Variants in IFNAR2 observed in about 807,000 individuals in gnomAD.
The protein encoded by IFNAR2 is interferon alpha/beta receptor 2.
IFNAR2 carries 30 observed loss-of-function variants against 49.4 expected under a neutral mutation model. The ratio of observed to expected loss-of-function variants is 0.61; its 90% CI spans 0.45 to 0.82. The LOEUF (loss-of-function observed/expected upper bound fraction) is 0.82, where lower values mean the gene tolerates loss of function less well. Ranked by LOEUF, IFNAR2 falls within the 40% of genes least tolerant of loss-of-function variation. IFNAR2 has a pLI of 0.00. For missense variants in IFNAR2, 600 were observed against 622.7 expected (o/e 0.96, Z 0.39); for synonymous variants, 224 against 234.5 (o/e 0.96, Z 0.41).
rs1987501614 is a variant in IFNAR2 at position 33,247,254 on chromosome 21, C to CATTTTTTTTTTT, written c.394+364_394+365insATTTTTTTTTTT. Reference sequence around the variant, plus strand: ...ATTTTCTTTCTTTCTTTCTTTCTTTCTTTTTTTTTTTTTTTGAGATGGAGT... The same window carrying CATTTTTTTTTTT: ...ATTTTCTTTCTTTCTTTCTTTCTTTCATTTTTTTTTTTTTTTTTTTTTTTTTTGAGATGGAGT... On this transcript the variant is annotated intron_variant, in intron 5 of 8. Transcript: ENST00000342136. Among the ~76,000 whole-genome samples the CATTTTTTTTTTT allele has an allele frequency of 7.6e-4, 70 of 91,566 alleles. 1 individual carries two copies. The highest frequency in any genetic ancestry group is 3.0e-3 in the Admixed American group (23 of 7,592). 60.1% of individuals were successfully genotyped at this position (91,566 alleles called of 152,430 possible).
chr21:33,253,196 G>A (rs1236980294), intron 7 of IFNAR2, among the ~76,000 whole-genome samples: 2 of 152,172 alleles, frequency 1.3e-5, no homozygotes, highest in Admixed American at 1.3e-4. Context: ...GGCATTAAGG[G>A]GTGAAAAGGT....
At chr21:33,258,586 GCAT>G (rs66472735) in intron 7 of IFNAR2, among the ~76,000 whole-genome samples, 59 of 152,178 alleles carry the variant, frequency 3.9e-4, no homozygotes, top group African/African-American at 1.4e-3. Flanking sequence ...CACTAACTTT[GCAT>G]CATTTGTTAC....
chr21:33,257,766 A>G (rs180705347), intron 7 of IFNAR2, among the ~76,000 whole-genome samples: 3 of 152,296 alleles, frequency 2.0e-5, no homozygotes, highest in Admixed American at 6.5e-5. Flanking sequence ...GCTCTGAGAG[A>G]TATCAGCAGA....
intron 1 of IFNAR2, among the ~76,000 whole-genome samples, chr21:33,238,960 T>C (rs1316637137): frequency 6.6e-6 from 1 of 152,216 alleles, no homozygotes; most frequent in Non-Finnish European, 1.5e-5. Context: ...CAACTTTTCA[T>C]TTATGAATTT....
intron 2 of IFNAR2, among the ~76,000 whole-genome samples, chr21:33,242,478 A>G (rs1446670752): frequency 6.6e-6 from 1 of 151,906 alleles, no homozygotes; most frequent in Non-Finnish European, 1.5e-5. Flanking sequence ...CGCGCCTGTA[A>G]TCCCTGCACT....
chr21:33,263,656 A>G lies in IFNAR2; in HGVS notation c.*156A>G, dbSNP rs1601822488. 4.7e-6 allele frequency: 3 copies of G among 644,564 alleles called. No homozygotes were observed. The highest frequency in any genetic ancestry group is 3.0e-5 in the Admixed American group (1 of 33,826). 39.9% of individuals were successfully genotyped at this position (644,564 alleles called of 1,614,324 possible). A position where few individuals can be genotyped will look rare whatever the true frequency, so the allele number is the denominator to read the frequency against. On this transcript the variant is annotated 3_prime_UTR_variant, in exon 9 of 9. Coordinates refer to ENST00000342136, the MANE Select transcript of IFNAR2 (RefSeq NM_001289125.3). Reference sequence around the variant, plus strand: ...CTTCCAGGTGACATCACCTATGCACATTCCCAGTATGGGGACCATAGTATC... The same window carrying G: ...CTTCCAGGTGACATCACCTATGCACGTTCCCAGTATGGGGACCATAGTATC...
Position 33,257,226 on chromosome 21 carries a change from G to A in IFNAR2, c.710-3371G>A, listed in dbSNP as rs567941157. The stretch of plus-strand genomic sequence containing the variant: ...TTTGGGCAAGGGCAGTTCCTTATGT[G>A]TCCGGAGTTGGTTCCTGCCAATGGG... On this transcript the variant is annotated intron_variant, in intron 7 of 8. Coordinates refer to ENST00000342136, the MANE Select transcript of IFNAR2 (RefSeq NM_001289125.3). Among the ~76,000 whole-genome samples, 20 of 152,322 alleles carry A rather than the reference G, an allele frequency of 1.3e-4. No homozygotes were observed. In the South Asian group the frequency reaches 3.9e-3, roughly 30 times the overall value.
intron 7 of IFNAR2, among the ~76,000 whole-genome samples, chr21:33,254,340 G>A (rs1385671698): frequency 6.6e-6 from 1 of 152,182 alleles, no homozygotes; most frequent in Admixed American, 6.5e-5. Flanking sequence ...ATGCTTTGTA[G>A]CACTAATACC....
intron 5 of IFNAR2, 156 bp from the exon 6 acceptor site, chr21:33,248,552 CA>C (rs1446218183): frequency 5.2e-6 from 1 of 193,188 alleles, no homozygotes; most frequent in African/African-American, 2.4e-5. Context: ...AATCATGATA[CA>C]GTCACTTAGT....
intron 1 of IFNAR2, among the ~76,000 whole-genome samples, chr21:33,233,658 A>T (rs1986223826): frequency 6.6e-6 from 1 of 151,962 alleles, no homozygotes; most frequent in Non-Finnish European, 1.5e-5. Flanking sequence ...CGAGGGGCAT[A>T]TTTTTTTTCC....
intron 4 of IFNAR2, 160 bp from the exon 5 acceptor site, chr21:33,246,558 A>C (rs550212446): frequency 6.1e-6 from 1 of 162,960 alleles, no homozygotes; most frequent in Admixed American, 6.5e-5. Flanking sequence ...TGGGGAGGGC[A>C]TAAGATGTTC....
At chr21:33,237,078 GGTGTGTGTGT>G (rs34322078) in intron 1 of IFNAR2, among the ~76,000 whole-genome samples, 30 of 147,590 alleles carry the variant, frequency 2.0e-4, no homozygotes, top group African/African-American at 3.8e-4. Flanking sequence ...GGGAGAATGG[GGTGTGTGTGT>G]GTGTGTGTGT....
At chr21:33,244,250 A>G (rs1568883156) in intron 3 of IFNAR2, among the ~76,000 whole-genome samples, 1 of 152,216 alleles carries the variant, frequency 6.6e-6, no homozygotes, top group African/African-American at 2.4e-5. Flanking sequence ...AGTGATCTTT[A>G]AAAATTTAAC....
At chr21:33,246,674 A>G (rs1987433095) in intron 4 of IFNAR2, 44 bp from the exon 5 acceptor site, 3 of 1,533,888 alleles carry the variant, frequency 2.0e-6, no homozygotes, top group African/African-American at 1.4e-5. Flanking sequence ...CTCTCATTAC[A>G]TCAATGCTAA....
chr21:33,242,046 G>T (rs1986978374), intron 2 of IFNAR2, 69 bp downstream of exon 2: 3 of 1,450,542 alleles, frequency 2.1e-6, no homozygotes, highest in Non-Finnish European at 2.8e-6. Context: ...GAGAGCACTG[G>T]CAGGAAGTCG....
Position 33,230,266 on chromosome 21 carries a change from T to C in IFNAR2, c.-84+50T>C. The C allele has an allele frequency of 9.1e-7, 1 of 1,104,522 alleles. No homozygotes were observed. The highest frequency in any genetic ancestry group is 1.1e-6 in the Non-Finnish European group (1 of 896,980). The allele number at this position is 1,104,522 out of a possible 1,614,324, so 68.4% of individuals were successfully genotyped here. On this transcript the variant is annotated intron_variant, in intron 1 of 8. Transcript: ENST00000342136. This position sits in a 1 kb window ranked among gnomAD's most constrained non-coding sequence, Gnocchi z 5.5. ...GGAGCGGAGCGCGTGGCCAGCTGAC[T>C]GGAGGGAAAACGCCGCCTCCCTGCA...
chr21:33,256,589 C>T (rs1988221513), intron 7 of IFNAR2, among the ~76,000 whole-genome samples: 1 of 152,108 alleles, frequency 6.6e-6, no homozygotes, highest in Non-Finnish European at 1.5e-5. Context: ...GGATTTTAGC[C>T]CAGACATCTG....
chr21:33,246,991 G>A, intron 5 of IFNAR2, 101 bp downstream of exon 5: 1 of 977,516 alleles, frequency 1.0e-6, no homozygotes, highest in Non-Finnish European at 1.5e-6. Context: ...TTTAGACCTG[G>A]GGCTGGGCTC....
intron 6 of IFNAR2, 30 bp downstream of exon 6, chr21:33,248,884 C>A: frequency 6.6e-7 from 1 of 1,518,814 alleles, no homozygotes; most frequent in Non-Finnish European, 8.9e-7. Context: ...AGGATCAAAA[C>A]AGTTCTGAGT....
Sources: allele counts gnomAD v4.1 joint callset (sites outside exome capture counted in the v4.1 genomes callset), GRCh38; gene constraint gnomAD v4.1.1; non-coding constraint Gnocchi (gnomAD v3.1); transcripts MANE v1.5; gene names NCBI Gene and HGNC (gene_info 2026-07-23, HGNC 2026-07-21).